Variants in CR1L observed in about 807,000 individuals in gnomAD.
CR1L encodes complement C3b/C4b receptor 1 like.
In CR1L, 59 loss-of-function variants were observed where a neutral mutation model predicts 62.3. The observed-to-expected ratio is 0.95, with a 90% CI of 0.77 to 1.18. The LOEUF (loss-of-function observed/expected upper bound fraction) is 1.18, where lower values mean the gene tolerates loss of function less well. Ranked by LOEUF, CR1L falls within the 50% of genes most tolerant of loss-of-function variation. The pLI is 0.00. For synonymous variants in CR1L, 279 were observed against 248.7 expected, an observed-to-expected ratio of 1.12 and a Z score of -1.15; for missense variants, 700 against 702.8, an observed-to-expected ratio of 1.00 and a Z score of 0.04.
At chr1:207,710,368 G>C (rs1664334302) in intron 10 of CR1L, 2 of 1,402,278 alleles carry the variant, frequency 1.4e-6, no homozygotes, top group African/African-American at 2.8e-5. Flanking sequence ...TGAACTTGCG[G>C]TCTCTTTTCC....
chr1:207,706,927 GA>G (rs1279162035), intron 9 of CR1L, among the ~76,000 whole-genome samples: 2 of 152,140 alleles, frequency 1.3e-5, no homozygotes, highest in African/African-American at 4.8e-5. Context: ...TGAAGTCATA[GA>G]ATATATCAAT....
intron 4 of CR1L, among the ~76,000 whole-genome samples, chr1:207,692,557 C>T (rs1173654750): frequency 2.0e-5 from 3 of 152,156 alleles, no homozygotes; most frequent in East Asian, 1.9e-4. Flanking sequence ...GTTATGCTGC[C>T]GTGACCACCT....
rs192790103 is a variant in CR1L at position 207,710,536 on chromosome 1, C to T, written c.1414+2273C>T. The T allele has an allele frequency of 1.2e-4, 191 of 1,609,338 alleles. 1 individual carries two copies. In the African/African-American group the frequency reaches 1.6e-3, roughly 13 times the overall value. ...AGCTCGTGGGTGAGCCCTCCATATACTGCACCAGCAAAGATGATCAAGTGG... is the reference window on the plus strand; with the variant it reads ...AGCTCGTGGGTGAGCCCTCCATATATTGCACCAGCAAAGATGATCAAGTGG... On this transcript the variant is annotated intron_variant, in intron 10 of 11. Transcript: ENST00000508064.
chr1:207,677,388 G>A lies in CR1L; in HGVS notation c.98-1G>A, dbSNP rs776848671. 33 of 1,572,482 alleles carry A rather than the reference G, an allele frequency of 2.1e-5. No individual in the cohort carries two copies. Among genetic ancestry groups the A allele is most frequent in the East Asian group, 2.4e-5 (1 of 42,232 alleles). On this transcript the variant is annotated splice_acceptor_variant, in intron 1 of 11. Transcript: ENST00000508064. LOFTEE classifies it high-confidence loss of function. ...GATGCTGCTGTGGTCTTGATCCCCAGATCAATGCAATGTCCCGGAATGGCT... is the reference window on the plus strand; with the variant it reads ...GATGCTGCTGTGGTCTTGATCCCCAAATCAATGCAATGTCCCGGAATGGCT...
intron 3 of CR1L, among the ~76,000 whole-genome samples, chr1:207,683,044 CTCCTTCCTTCCT>C (rs1663829717): frequency 8.5e-6 from 1 of 117,436 alleles, no homozygotes; most frequent in Admixed American, 9.6e-5. Flanking sequence ...CCTTCCTTCC[CTCCTTCCTTCCT>C]TCTTTCTTTC....
intron 7 of CR1L, 84 bp from the exon 8 acceptor site, chr1:207,699,104 TG>T: frequency 6.3e-7 from 1 of 1,582,640 alleles, no homozygotes; most frequent in East Asian, 2.2e-5. Context: ...CTCAAAATCC[TG>T]AAATTGGGGC....
Position 207,701,513 on chromosome 1 carries a change from C to T in CR1L, c.1229-6C>T. ...ACCTGGCTCCAAAACATTTTCTTTCCCACAGGTAAATCATGTGAAACTCCT... is the reference window on the plus strand; with the variant it reads ...ACCTGGCTCCAAAACATTTTCTTTCTCACAGGTAAATCATGTGAAACTCCT... On this transcript the variant is annotated splice_polypyrimidine_tract_variant and splice_region_variant and intron_variant, in intron 8 of 11. Transcript: ENST00000508064. 1 of 1,613,536 alleles carries T rather than the reference C, an allele frequency of 6.2e-7. No homozygotes were observed. The highest frequency in any genetic ancestry group is 2.2e-5 in the East Asian group (1 of 44,870).
At chr1:207,679,573 C>T (rs1025709035) in intron 3 of CR1L, among the ~76,000 whole-genome samples, 2 of 152,060 alleles carry the variant, frequency 1.3e-5, no homozygotes, top group Non-Finnish European at 2.9e-5. Flanking sequence ...ACATATTATC[C>T]AGCAGTTATC....
intron 9 of CR1L, among the ~76,000 whole-genome samples, chr1:207,702,609 A>G (rs1234628756): frequency 1.3e-5 from 2 of 152,274 alleles, no homozygotes; most frequent in Non-Finnish European, 2.9e-5. Flanking sequence ...GTGCTATTCC[A>G]GTGAACACAT....
chr1:207,677,928 T>C (rs1234493373), intron 2 of CR1L, among the ~76,000 whole-genome samples: 1 of 152,244 alleles, frequency 6.6e-6, no homozygotes, highest in Non-Finnish European at 1.5e-5. Context: ...CTTTGGATTA[T>C]ATCAGTTGAA....
chr1:207,692,053 G>A (rs1664005443), intron 4 of CR1L, among the ~76,000 whole-genome samples: 1 of 152,166 alleles, frequency 6.6e-6, no homozygotes, highest in Admixed American at 6.6e-5. Context: ...TTTGAAGACA[G>A]TTCAAACAGT....
At chr1:207,695,845 C>A (rs1272221874) in intron 5 of CR1L, among the ~76,000 whole-genome samples, 1 of 152,086 alleles carries the variant, frequency 6.6e-6, no homozygotes, top group African/African-American at 2.4e-5. Context: ...ACAAGCAGAT[C>A]TCAAGAGAAC....
intron 4 of CR1L, among the ~76,000 whole-genome samples, chr1:207,684,818 G>A (rs1336561042): frequency 6.6e-6 from 1 of 152,170 alleles, no homozygotes; most frequent in Non-Finnish European, 1.5e-5. Flanking sequence ...GAGGCTGAGA[G>A]AAATGCAGTG....
At chr1:207,669,381 C>T (rs1415404022) in intron 1 of CR1L, 4 of 1,055,156 alleles carry the variant, frequency 3.8e-6, no homozygotes, top group Middle Eastern at 2.8e-4. Context: ...CTTTGCACTG[C>T]GCTTTTCCTC....
At chr1:207,704,381 T>C (rs750546867) in intron 9 of CR1L, among the ~76,000 whole-genome samples, 1 of 152,246 alleles carries the variant, frequency 6.6e-6, no homozygotes, top group Non-Finnish European at 1.5e-5. Flanking sequence ...CTGGTGAAGA[T>C]GCCATGAGCA....
chr1:207,675,030 C>T (rs1278914108), intron 1 of CR1L, among the ~76,000 whole-genome samples: 1 of 151,960 alleles, frequency 6.6e-6, no homozygotes, highest in African/African-American at 2.4e-5. Context: ...ATAAGTAATT[C>T]TTCAATTATT....
chr1:207,652,812 T>C, intron 1 of CR1L: 1 of 566,704 alleles, frequency 1.8e-6, no homozygotes, highest in East Asian at 3.1e-5. Context: ...CATATTCCAC[T>C]ATGGAGATGA....
At chr1:207,693,463 T>A (rs1368615837) in intron 4 of CR1L, among the ~76,000 whole-genome samples, 1 of 152,232 alleles carries the variant, frequency 6.6e-6, no homozygotes, top group African/African-American at 2.4e-5. Flanking sequence ...CTTGGAAATT[T>A]CTCAGTTATT....
intron 3 of CR1L, among the ~76,000 whole-genome samples, chr1:207,681,935 G>A (rs2102460753): frequency 6.8e-6 from 1 of 147,380 alleles, no homozygotes; most frequent in Admixed American, 6.9e-5. Flanking sequence ...TGAGAAGTGG[G>A]AATTGAACAA....
Sources: allele counts gnomAD v4.1 joint callset (sites outside exome capture counted in the v4.1 genomes callset), GRCh38; gene constraint gnomAD v4.1.1; transcripts MANE v1.5; gene names NCBI Gene and HGNC (gene_info 2026-07-23, HGNC 2026-07-21).